The following RBM28 variants were observed in gnomAD, a reference collection of about 807,000 sequenced individuals.
The protein encoded by RBM28 is RNA binding motif protein 28, also known as RNA-binding protein 28.
A neutral mutation model predicts 98.3 loss-of-function variants in RBM28; 78 were observed. The ratio of observed to expected loss-of-function variants is 0.79; its 90% CI spans 0.66 to 0.96. The LOEUF (loss-of-function observed/expected upper bound fraction) is 0.96, where lower values mean the gene tolerates loss of function less well. RBM28 is among the 40% of genes least tolerant of loss of function. The pLI, the probability that RBM28 is intolerant of heterozygous loss-of-function variation, is 0.00. For missense variants in RBM28, 838 were observed against 913.0 expected (o/e 0.92, Z 1.06); for synonymous variants, 306 against 330.9 (o/e 0.92, Z 0.82).
chr7:128,314,606 G>A (rs1796065863), intron 17 of RBM28, among the ~76,000 whole-genome samples, 158 bp downstream of exon 17: 1 of 152,224 alleles, frequency 6.6e-6, no homozygotes, highest in Non-Finnish European at 1.5e-5. Context: ...CATCTCTGAT[G>A]GTGTTGAAGA....
At position 128,298,740 on chromosome 7, in the gene RBM28, T is replaced by C. The variant is rs564427186; in HGVS notation, c.*12057A>G. On this transcript the variant is annotated 3_prime_UTR_variant, in exon 19 of 19. Coordinates refer to ENST00000223073, the MANE Select transcript of RBM28 (RefSeq NM_018077.3). ...AAAATGTACCCATGGCTGGATGCTG[T>C]GGCTCACACTTATAATCCCAGCACT... The C allele has an allele frequency of 9.8e-5, 15 of 152,298 alleles. No homozygotes were observed. Among genetic ancestry groups the C allele is most frequent in the African/African-American group, 3.4e-4 (14 of 41,568 alleles). The allele number at this position is 152,298 out of a possible 1,614,324, so 9.4% of individuals were successfully genotyped here. A position where few individuals can be genotyped will look rare whatever the true frequency, so the allele number is the denominator to read the frequency against.
At chr7:128,342,202 T>G (rs752270698) in intron 1 of RBM28, among the ~76,000 whole-genome samples, 8 of 152,094 alleles carry the variant, frequency 5.3e-5, no homozygotes, top group Non-Finnish European at 1.2e-4. Flanking sequence ...CATGACCCAC[T>G]CAAGACCCAC....
At chr7:128,339,431 A>C in intron 2 of RBM28, 110 bp from the exon 3 acceptor site, 1 of 1,148,836 alleles carries the variant, frequency 8.7e-7, no homozygotes, top group Non-Finnish European at 1.3e-6. Flanking sequence ...CACAGGGTTA[A>C]GTGTGGCAAT....
In RBM28 at chr7:128,303,730, G is replaced by T. The variant is rs895058022; in HGVS notation, c.*7067C>A. On this transcript the variant is annotated 3_prime_UTR_variant, in exon 19 of 19. Transcript: ENST00000223073. ...ATGAACAATGTATTTTCCACGTCAA[G>T]ATGCCTGAACTTCCCATAACAGCTG... The T allele has an allele frequency of 6.6e-6, 1 of 152,210 alleles. No homozygotes were observed. Among genetic ancestry groups the T allele is most frequent in the South Asian group, 2.1e-4 (1 of 4,828 alleles). 9.4% of individuals were successfully genotyped at this position (152,210 alleles called of 1,614,324 possible). A position where few individuals can be genotyped will look rare whatever the true frequency, so the allele number is the denominator to read the frequency against.
Position 128,301,573 on chromosome 7 carries a change from A to C in RBM28, c.*9224T>G, listed in dbSNP as rs539046694. 6.6e-6 allele frequency: 1 copy of C among 152,478 alleles called. No homozygotes were observed. The highest frequency in any genetic ancestry group is 6.5e-5 in the Admixed American group (1 of 15,310). 9.4% of individuals were successfully genotyped at this position (152,478 alleles called of 1,614,324 possible). A position where few individuals can be genotyped will look rare whatever the true frequency, so the allele number is the denominator to read the frequency against. Reference sequence around the variant, plus strand: ...CTGCTTTTGTCTCTAGCCTTCCTAGAGTAGCTCAGATCAGTTCACACCCCT... The same window carrying C: ...CTGCTTTTGTCTCTAGCCTTCCTAGCGTAGCTCAGATCAGTTCACACCCCT... On this transcript the variant is annotated 3_prime_UTR_variant, in exon 19 of 19. Transcript: ENST00000223073.
intron 17 of RBM28, among the ~76,000 whole-genome samples, chr7:128,313,819 C>T (rs1231077005): frequency 6.6e-6 from 1 of 152,164 alleles, no homozygotes; most frequent in Non-Finnish European, 1.5e-5. Flanking sequence ...AAAACACTCC[C>T]CCCTGCTCCT....
In RBM28 at chr7:128,321,439, A is replaced by G; in HGVS notation, c.1405-15T>C. The G allele has an allele frequency of 6.2e-7, 1 of 1,614,000 alleles. No homozygotes were observed. Among genetic ancestry groups the G allele is most frequent in the Non-Finnish European group, 8.5e-7 (1 of 1,179,916 alleles). On this transcript the variant is annotated splice_polypyrimidine_tract_variant and intron_variant, in intron 13 of 18. Transcript: ENST00000223073. ...AGCAGCTCAAACTGAAAGAACAACC[A>G]ATGGTTAACAGTACAACCCACTCTT...
At chr7:128,331,719 ATGTTGGAAGGAAATTT>A (rs1249464091) in intron 9 of RBM28, among the ~76,000 whole-genome samples, 1 of 152,216 alleles carries the variant, frequency 6.6e-6, no homozygotes, top group Non-Finnish European at 1.5e-5. Flanking sequence ...GATTAAAAAA[ATGTTGGAAGGAAATTT>A]TGTTGTCCTA....
At chr7:128,321,116 A>G in intron 14 of RBM28, 150 bp downstream of exon 14, 1 of 1,087,332 alleles carries the variant, frequency 9.2e-7, no homozygotes, top group East Asian at 2.5e-5. Context: ...CAGTGAGTCA[A>G]GATTGCACCG....
In RBM28 at chr7:128,313,245, A is replaced by G. The variant is rs1231678553; in HGVS notation, c.2075T>C (p.Val692Ala). 1.2e-6 allele frequency: 2 copies of G among 1,614,102 alleles called. No individual in the cohort carries two copies. The highest frequency in any genetic ancestry group is 3.3e-5 in the Admixed American group (2 of 60,012). ...RLRDKGKVKP[V>A]HPKKPKPQIN... ...CTGTGGCTTTGGCTTTTTGGGATGG[A>G]CGGGCTTCACTTTGCCTTTGTCCCG... The change falls in exon 18 of 19, where the codon GTC (valine) becomes GCC (alanine). Residue 692 changes from valine (V) to alanine (A), a missense_variant. By Grantham distance (64) the Val-to-Ala change is moderately conservative (BLOSUM62 0). Coordinates refer to ENST00000223073, the MANE Select transcript of RBM28 (RefSeq NM_018077.3).
At chr7:128,324,964 C>G (rs1275626318) in intron 11 of RBM28, among the ~76,000 whole-genome samples, 3 of 151,920 alleles carry the variant, frequency 2.0e-5, no homozygotes, top group South Asian at 2.1e-4. Flanking sequence ...GAGCGGACAT[C>G]GCGCAACTAC....
At chr7:128,324,443 A>T in intron 12 of RBM28, 116 bp downstream of exon 12, 1 of 1,423,672 alleles carries the variant, frequency 7.0e-7, no homozygotes, top group Non-Finnish European at 9.9e-7. Flanking sequence ...TAACACTGTT[A>T]AAGAGAACAT....
rs780676632 is a variant in RBM28 at position 128,338,737 on chromosome 7, G to T, written c.437C>A (p.Pro146His). 1 of 1,601,070 alleles carries T rather than the reference G, an allele frequency of 6.2e-7. No homozygotes were observed. Among genetic ancestry groups the T allele is most frequent in the Non-Finnish European group, 8.6e-7 (1 of 1,168,228 alleles). Reference protein sequence around the residue: ...QFGAVLEVNIPRKPDGKMRGF... With the variant: ...QFGAVLEVNIHRKPDGKMRGF... ...AGGTTTATTAGTACCTGGTTTCCTA[G>T]GGATATTTACTTCCAGGACAGCTCC... The change falls in exon 4 of 19, where the codon CCT becomes CAT. Residue 146 changes from proline to histidine, a missense_variant. By Grantham distance (77) the Pro-to-His change is moderately conservative (BLOSUM62 -2). Coordinates refer to ENST00000223073, the MANE Select transcript of RBM28 (RefSeq NM_018077.3).
intron 11 of RBM28, among the ~76,000 whole-genome samples, 182 bp from the exon 12 acceptor site, chr7:128,324,876 T>C (rs1208253071): frequency 6.6e-6 from 1 of 152,010 alleles, no homozygotes; most frequent in Non-Finnish European, 1.5e-5. Flanking sequence ...TAGCCGGGCA[T>C]GGTGGTGTGC....
rs1167794752 is a variant in RBM28 at position 128,298,891 on chromosome 7, T to C, written c.*11906A>G. ...AGCTAGGCATGGTGGTGTGTGCCTG[T>C]AGTCTCAGCTATTTGCAAGGCTGAC... On this transcript the variant is annotated 3_prime_UTR_variant, in exon 19 of 19. Coordinates refer to ENST00000223073, the MANE Select transcript of RBM28 (RefSeq NM_018077.3). The C allele has an allele frequency of 1.3e-5, 2 of 151,940 alleles. No individual in the cohort carries two copies. Among genetic ancestry groups the C allele is most frequent in the African/African-American group, 4.8e-5 (2 of 41,332 alleles). 9.4% of individuals were successfully genotyped at this position (151,940 alleles called of 1,614,324 possible). A position where few individuals can be genotyped will look rare whatever the true frequency, so the allele number is the denominator to read the frequency against.
chr7:128,325,762 C>A (rs1299755278), intron 11 of RBM28, 56 bp downstream of exon 11: 1 of 1,228,136 alleles, frequency 8.1e-7, no homozygotes, highest in Non-Finnish European at 1.2e-6. Context: ...CCAGATGTTG[C>A]CCCTAAGAGC....
chr7:128,341,281 C>T, intron 1 of RBM28: 2 of 851,204 alleles, frequency 2.3e-6, no homozygotes, highest in Non-Finnish European at 3.3e-6. Flanking sequence ...ATAAAAGCTG[C>T]CCACTCACCT....
At chr7:128,336,378 C>T (rs1584661197) in intron 6 of RBM28, among the ~76,000 whole-genome samples, 1 of 152,208 alleles carries the variant, frequency 6.6e-6, no homozygotes, top group African/African-American at 2.4e-5. Flanking sequence ...GGGGCAAAGC[C>T]AAGCCATGAA....
intron 9 of RBM28, among the ~76,000 whole-genome samples, chr7:128,332,858 C>T (rs535547308): frequency 5.3e-5 from 8 of 152,260 alleles, no homozygotes; most frequent in Admixed American, 4.6e-4. Flanking sequence ...GCCACCCCCA[C>T]TCCCACCTAG....
Sources: gnomAD v4.1 joint callset for allele counts (sites outside exome capture counted in the v4.1 genomes callset) on GRCh38, gnomAD v4.1.1 for gene constraint, MANE v1.5 for transcripts, NCBI Gene and HGNC (gene_info 2026-07-23, HGNC 2026-07-21) for gene names.